PLAAT1: variants seen among roughly 807,000 people sequenced by gnomAD.
PLAAT1 encodes the protein H-REV107 protein-related protein.
PLAAT1 carries 13 observed loss-of-function variants against 16.4 expected under a neutral mutation model. The observed-to-expected ratio is 0.79, with a 90% CI of 0.52 to 1.26. The LOEUF (loss-of-function observed/expected upper bound fraction) is 1.26. Among genes scored for constraint, PLAAT1 ranks in the 50% most tolerant of loss-of-function variants. The pLI, the probability that PLAAT1 is intolerant of heterozygous loss-of-function variation, is 0.00. For missense variants in PLAAT1, 218 were observed against 207.8 expected (o/e 1.05, Z -0.30); for synonymous variants, 73 against 78.4 (o/e 0.93, Z 0.36).
chr3:193,277,668 A>T (rs916556709), exon 3 of PLAAT1: 2 of 152,210 alleles, frequency 1.3e-5, no homozygotes, highest in African/African-American at 4.8e-5. Flanking sequence ...TGTGAAATAC[A>T]GCAAATTGTA....
At chr3:193,276,891 T>C in intron 2 of PLAAT1, 3 of 1,173,684 alleles carry the variant, frequency 2.6e-6, no homozygotes, top group Non-Finnish European at 3.7e-6. Flanking sequence ...AAAAAGACCA[T>C]ATTAATTATT....
At chr3:193,244,271 C>A (rs919278174) in intron 1 of PLAAT1, among the ~76,000 whole-genome samples, 13 of 152,146 alleles carry the variant, frequency 8.5e-5, no homozygotes, top group African/African-American at 3.1e-4. Context: ...AGTACAGTTG[C>A]TGGATTATAT....
intron 3 of PLAAT1, among the ~76,000 whole-genome samples, chr3:193,267,271 T>A: frequency 6.6e-6 from 1 of 152,160 alleles, no homozygotes; most frequent in Admixed American, 6.6e-5. Context: ...ATTCTATGGT[T>A]TGGACAAATT....
intron 3 of PLAAT1, among the ~76,000 whole-genome samples, chr3:193,267,161 A>G (rs937552509): frequency 6.6e-6 from 1 of 152,200 alleles, no homozygotes; most frequent in Non-Finnish European, 1.5e-5. Flanking sequence ...AATATGTCAC[A>G]TCATTACCAT....
At chr3:193,253,548 G>A (rs988802625) in intron 1 of PLAAT1, among the ~76,000 whole-genome samples, 1 of 152,004 alleles carries the variant, frequency 6.6e-6, no homozygotes, top group Non-Finnish European at 1.5e-5. Flanking sequence ...CTTTTTACCA[G>A]CTCCCTAAGG....
At chr3:193,259,062 G>T (rs985936152) in intron 2 of PLAAT1, among the ~76,000 whole-genome samples, 26 of 152,100 alleles carry the variant, frequency 1.7e-4, no homozygotes, top group African/African-American at 5.8e-4. Flanking sequence ...AATCAAGAAG[G>T]CTTTATTCCT....
intron 3 of PLAAT1, among the ~76,000 whole-genome samples, chr3:193,270,113 C>T (rs79429528): frequency 0.011 from 1,594 of 151,484 alleles, 55 homozygotes; most frequent in East Asian, 0.071. Context: ...CACTCTTACA[C>T]GATACTTACT....
chr3:193,245,237 G>C (rs1185950765), intron 1 of PLAAT1, among the ~76,000 whole-genome samples: 1 of 151,942 alleles, frequency 6.6e-6, no homozygotes, highest in African/African-American at 2.4e-5. Flanking sequence ...AATGACCTCT[G>C]TACTCTATTT....
chr3:193,278,125 A>G (rs1335133289), downstream of PLAAT1, among the ~76,000 whole-genome samples: 1 of 152,144 alleles, frequency 6.6e-6, no homozygotes, highest in East Asian at 1.9e-4. Context: ...TATTTATGCA[A>G]TGGTCTTCTC....
intron 1 of PLAAT1, among the ~76,000 whole-genome samples, chr3:193,249,752 T>G (rs1481661237): frequency 1.3e-5 from 2 of 152,028 alleles, no homozygotes; most frequent in Non-Finnish European, 2.9e-5. Context: ...GTTTGCTAAT[T>G]CTTACTTCTG....
upstream of PLAAT1, chr3:193,241,138 G>C (rs1366042112): frequency 1.8e-6 from 2 of 1,096,068 alleles, no homozygotes; most frequent in African/African-American, 3.3e-5. Context: ...GCGGGCGGGC[G>C]GGCGAAGCTG....
chr3:193,272,736 A>T (rs1325787709), downstream of PLAAT1, among the ~76,000 whole-genome samples: 1 of 152,198 alleles, frequency 6.6e-6, no homozygotes, highest in African/African-American at 2.4e-5. Flanking sequence ...AATGTCATAA[A>T]TGCACTTTTA....
intron 2 of PLAAT1, among the ~76,000 whole-genome samples, chr3:193,277,063 C>T (rs1235176828): frequency 6.6e-6 from 1 of 152,156 alleles, no homozygotes; most frequent in African/African-American, 2.4e-5. Flanking sequence ...TTGACAGCCT[C>T]ATGGTGCCTA....
downstream of PLAAT1, chr3:193,274,688 T>G: frequency 4.6e-6 from 1 of 219,162 alleles, no homozygotes; most frequent in East Asian, 1.1e-4. Flanking sequence ...AGTAAAACTT[T>G]CAAAGACCAA....
At chr3:193,244,236 T>G (rs140506022) in intron 1 of PLAAT1, among the ~76,000 whole-genome samples, 1 of 152,288 alleles carries the variant, frequency 6.6e-6, no homozygotes, top group East Asian at 1.9e-4. Context: ...TTCATTGTCT[T>G]TATTCTCAGG....
At position 193,263,209 on chromosome 3, in the gene PLAAT1, C is replaced by A; in HGVS notation, c.379C>A (p.Arg127Ser). 1 of 1,614,042 alleles carries A rather than the reference C, an allele frequency of 6.2e-7. No individual in the cohort carries two copies. Among genetic ancestry groups the A allele is most frequent in the South Asian group, 1.1e-5 (1 of 91,072 alleles). ...NNCEHFVTLLRYGEGVSEQAN... is the reference protein window; with the variant it reads ...NNCEHFVTLLSYGEGVSEQAN... ...CTGTGAACATTTTGTGACATTGCTT[C>A]GCTATGGAGAAGGAGTTTCAGAGCA... Residue 127 changes from arginine to serine, a missense_variant, in exon 3 of 4, where the codon CGC becomes AGC. By Grantham distance (110) the Arg-to-Ser change is moderately radical. Coordinates refer to ENST00000264735, the MANE Select transcript of PLAAT1 (RefSeq NM_020386.5).
chr3:193,252,023 G>C (rs992094860), intron 1 of PLAAT1, among the ~76,000 whole-genome samples: 5 of 152,116 alleles, frequency 3.3e-5, no homozygotes, highest in African/African-American at 4.8e-5. Context: ...AGGAATATTT[G>C]AGACTGCGTA....
chr3:193,254,079 C>T (rs1051145056), intron 1 of PLAAT1, among the ~76,000 whole-genome samples: 12 of 152,200 alleles, frequency 7.9e-5, no homozygotes, highest in East Asian at 5.8e-4. Flanking sequence ...GGCCAAATTA[C>T]GAACTGCCAT....
At chr3:193,247,112 T>C (rs1311568999) in intron 1 of PLAAT1, among the ~76,000 whole-genome samples, 1 of 152,244 alleles carries the variant, frequency 6.6e-6, no homozygotes, top group African/African-American at 2.4e-5. Flanking sequence ...TTCATCCATT[T>C]CTTCTGTGTT....
Sources: gnomAD v4.1 joint callset for allele counts (sites outside exome capture counted in the v4.1 genomes callset) on GRCh38, gnomAD v4.1.1 for gene constraint, MANE v1.5 for transcripts, NCBI Gene and HGNC (gene_info 2026-07-23, HGNC 2026-07-21) for gene names.